The following PLEKHA5 variants were observed in gnomAD, a reference collection of about 807,000 sequenced individuals.
PLEKHA5 encodes pleckstrin homology domain-containing family A member 5.
In PLEKHA5, 55 loss-of-function variants were observed where a neutral mutation model predicts 181.9. That is an observed-to-expected ratio of 0.30 (90% CI 0.24 to 0.38). The LOEUF (loss-of-function observed/expected upper bound fraction) is 0.38, where lower values mean the gene tolerates loss of function less well. PLEKHA5 is among the 10% of genes least tolerant of loss of function. The pLI, the probability that PLEKHA5 is intolerant of heterozygous loss-of-function variation, is 1.00. For synonymous variants in PLEKHA5, 535 were observed against 529.4 expected (o/e 1.01, Z -0.15); for missense variants, 1,432 against 1,549.5 (o/e 0.92, Z 1.27).
chr12:19,163,429 G>T (rs367775502), intron 3 of PLEKHA5, among the ~76,000 whole-genome samples: 1 of 151,944 alleles, frequency 6.6e-6, no homozygotes, highest in Admixed American at 6.6e-5. Flanking sequence ...CGCCCACCTC[G>T]GCCTACCAAA....
At chr12:19,202,523 AGTAT>A (rs1395302085) in intron 3 of PLEKHA5, among the ~76,000 whole-genome samples, 1 of 151,994 alleles carries the variant, frequency 6.6e-6, no homozygotes, top group East Asian at 1.9e-4. Flanking sequence ...GGACCCTGAG[AGTAT>A]GTGTGTGTGT....
At chr12:19,287,442 A>G in intron 12 of PLEKHA5, 31 bp from the exon 13 acceptor site, 1 of 1,412,584 alleles carries the variant, frequency 7.1e-7, no homozygotes. Flanking sequence ...AAACTTTACC[A>G]CAGAATTACA....
chr12:19,257,460 A>G lies in PLEKHA5; in HGVS notation c.460A>G (p.Asn154Asp). The stretch of plus-strand genomic sequence containing the variant: ...TTCACGAGCTTCAAAAAAAGTTCAT[A>G]ATTTTGGAAAGAGGTCAAATTCAAT... ...RTSRASKKVH[N>D]FGKRSNSIKR... is the part of the protein sequence containing the mutation. The change falls in exon 6 of 32, where the codon AAT (asparagine) becomes GAT (aspartate). Residue 154 changes from asparagine (N) to aspartate (D), a missense_variant. Around this residue, in one of 2 missense-constraint regions of PLEKHA5, gnomAD observed 289 missense variants for 381.1 expected, o/e 0.76. Coordinates refer to ENST00000429027, the MANE Select transcript of PLEKHA5 (RefSeq NM_001256470.2). 6.2e-7 allele frequency: 1 copy of G among 1,605,146 alleles called. No homozygotes were observed. Among genetic ancestry groups the G allele is most frequent in the African/African-American group, 1.3e-5 (1 of 74,634 alleles).
chr12:19,352,463 C>T (rs11044508), intron 25 of PLEKHA5, among the ~76,000 whole-genome samples: 138,920 of 151,878 alleles, frequency 0.91, 64,353 homozygotes, highest in Non-Finnish European at 1. Flanking sequence ...TGTTAGTGGA[C>T]ACTTTGAGGC....
rs527439446 is a variant in PLEKHA5 at position 19,147,575 on chromosome 12, A to T, written c.227+15125A>T. On this transcript the variant is annotated intron_variant, in intron 3 of 31. Transcript: ENST00000429027. The stretch of plus-strand genomic sequence containing the variant: ...AAGGTGTTGCTGCTGTTTGAAAAAG[A>T]TATTTTGTAGTTTCTTTTTTCTTTT... Among the ~76,000 whole-genome samples the T allele has an allele frequency of 5.4e-5, 8 of 147,020 alleles. No individual in the cohort carries two copies. The South Asian group carries it at 1.5e-3, about 28-fold the overall frequency.
At chr12:19,209,826 T>A (rs1251103450) in intron 3 of PLEKHA5, among the ~76,000 whole-genome samples, 1 of 152,210 alleles carries the variant, frequency 6.6e-6, no homozygotes, top group Admixed American at 6.5e-5. Context: ...AACAATAACA[T>A]CTGCTTATGA....
chr12:19,197,685 T>C, intron 3 of PLEKHA5, among the ~76,000 whole-genome samples: 1 of 63,890 alleles, frequency 1.6e-5, no homozygotes, highest in South Asian at 5.1e-4. Flanking sequence ...GCTGTGTGTG[T>C]GTGTGTGTGT....
At position 19,344,049 on chromosome 12, in the gene PLEKHA5, C is replaced by CA. The variant is rs35734108; in HGVS notation, c.2662+632dup. Among the ~76,000 whole-genome samples the CA allele has an allele frequency of 2.2e-3, 269 of 120,904 alleles. 1 individual carries two copies. The highest frequency in any genetic ancestry group is 2.7e-3 in the Non-Finnish European group (142 of 53,562). 79.3% of individuals were successfully genotyped at this position (120,904 alleles called of 152,430 possible). ...CATGGGCAGCAGAGGGAAACTGTCC[C>CA]AAAAAAAAAAAAAAAAATTTTCTCA... On this transcript the variant is annotated intron_variant, in intron 22 of 31. Coordinates refer to ENST00000429027, the MANE Select transcript of PLEKHA5 (RefSeq NM_001256470.2).
chr12:19,141,526 A>G (rs1453407265), intron 3 of PLEKHA5, among the ~76,000 whole-genome samples: 1 of 152,254 alleles, frequency 6.6e-6, no homozygotes, highest in African/African-American at 2.4e-5. Flanking sequence ...CCTAAAGGCC[A>G]GGGAGACCTG....
intron 20 of PLEKHA5, among the ~76,000 whole-genome samples, chr12:19,335,787 G>A (rs570410854): frequency 1.5e-4 from 23 of 151,766 alleles, no homozygotes; most frequent in African/African-American, 2.2e-4. Context: ...ACAAGTCATC[G>A]GGCCCAGCTA....
intron 3 of PLEKHA5, among the ~76,000 whole-genome samples, chr12:19,193,050 G>T (rs1044394084): frequency 6.6e-6 from 1 of 152,076 alleles, no homozygotes; most frequent in East Asian, 1.9e-4. Context: ...TTTACTATCT[G>T]GTCCTGTACA....
At chr12:19,143,791 C>T (rs1591797737) in intron 3 of PLEKHA5, among the ~76,000 whole-genome samples, 1 of 151,938 alleles carries the variant, frequency 6.6e-6, no homozygotes, top group Non-Finnish European at 1.5e-5. Context: ...ATCCTTATAT[C>T]GTTATATATT....
intron 3 of PLEKHA5, among the ~76,000 whole-genome samples, chr12:19,169,533 G>A (rs1324593545): frequency 6.6e-6 from 1 of 152,160 alleles, no homozygotes; most frequent in African/African-American, 2.4e-5. Context: ...TTGTCTATGA[G>A]AACAAGCTAC....
intron 3 of PLEKHA5, among the ~76,000 whole-genome samples, chr12:19,229,328 C>G (rs915702327): frequency 1.2e-4 from 18 of 152,126 alleles, no homozygotes; most frequent in African/African-American, 4.3e-4. Flanking sequence ...CGGACCCTTG[C>G]GGTGAGTGTT....
chr12:19,306,569 A>G, intron 15 of PLEKHA5: 2 of 776,890 alleles, frequency 2.6e-6, no homozygotes, highest in South Asian at 2.7e-5. Flanking sequence ...CATCGTCCCC[A>G]GCACTGCGGA....
intron 3 of PLEKHA5, among the ~76,000 whole-genome samples, chr12:19,202,761 A>G (rs1292465983): frequency 6.6e-6 from 1 of 152,066 alleles, no homozygotes; most frequent in Non-Finnish European, 1.5e-5. Context: ...TGCTCCTCTC[A>G]TTCCCTCCCT....
chr12:19,319,303 G>A (rs141273073), intron 16 of PLEKHA5, among the ~76,000 whole-genome samples: 12 of 152,216 alleles, frequency 7.9e-5, no homozygotes, highest in African/African-American at 2.9e-4. Flanking sequence ...TTTGCATGAG[G>A]TATGTGAAAG....
intron 31 of PLEKHA5, chr12:19,373,551 C>G (rs1327870886): frequency 5.9e-5 from 9 of 152,188 alleles, no homozygotes; most frequent in Admixed American, 5.9e-4. Context: ...TGCCTGTAAT[C>G]CCAGCTACTT....
intron 3 of PLEKHA5, among the ~76,000 whole-genome samples, chr12:19,193,272 G>C (rs937280272): frequency 6.6e-6 from 1 of 152,156 alleles, no homozygotes; most frequent in Non-Finnish European, 1.5e-5. Flanking sequence ...TCACAAGAAT[G>C]ATGCTTCATT....
Sources: gnomAD v4.1 joint callset for allele counts (sites outside exome capture counted in the v4.1 genomes callset) on GRCh38, gnomAD v4.1.1 for gene constraint, gnomAD v4.1.1 regional missense constraint, MANE v1.5 for transcripts, NCBI Gene and HGNC (gene_info 2026-07-23, HGNC 2026-07-21) for gene names.